The following SLC26A1 variants were observed in gnomAD, a reference collection of about 807,000 sequenced individuals.
SLC26A1 encodes the protein solute carrier family 26 member 1.
SLC26A1 carries 18 observed loss-of-function variants against 14.5 expected under a neutral mutation model. That is an observed-to-expected ratio of 1.24 (90% confidence interval 0.86 to 1.84). SLC26A1 has a LOEUF of 1.84. Ranked by LOEUF, SLC26A1 falls within the 40% of genes most tolerant of loss-of-function variation. The pLI is 0.00. For missense variants in SLC26A1, 1,049 were observed against 1,020.0 expected (o/e 1.03, Z -0.39); for synonymous variants, 505 against 492.0 (o/e 1.03, Z -0.35).
chr4:987,138 G>A, downstream of SLC26A1: 1 of 1,423,364 alleles, frequency 7.0e-7, no homozygotes. Flanking sequence ...CCTCGCTCCT[G>A]GCCGCGCCCC....
Position 987,725 on chromosome 4 carries a change from C to T in SLC26A1, c.*1108G>A. On this transcript the variant is annotated 3_prime_UTR_variant, in exon 3 of 3. Coordinates refer to ENST00000398516, the MANE Select transcript of SLC26A1 (RefSeq NM_022042.4). ...GCAGCGCCTGGATCCTGCGCCCGGG[C>T]AGTCCTGGGCTTGAACGTGTGTGTC... is the stretch of plus-strand genomic sequence containing the variant. 1 of 1,589,308 alleles carries T rather than the reference C, an allele frequency of 6.3e-7. No homozygotes were observed. Among genetic ancestry groups the T allele is most frequent in the Non-Finnish European group, 8.6e-7 (1 of 1,167,872 alleles).
rs148386572 is a variant in SLC26A1, at chr4:989,896, A to G, written c.1043T>C (p.Leu348Pro). 2.7e-3 allele frequency: 4,212 copies of G among 1,566,848 alleles called. 12 individuals are homozygous for G. Among genetic ancestry groups the G allele is most frequent in the Non-Finnish European group, 3.3e-3 (3,844 of 1,156,692 alleles). ...GGAGAAGGCGGCAGCCACGAGGGCCAGGGCCACGGCATCCAAAGCCACACG... is the reference window on the plus strand; with the variant it reads ...GGAGAAGGCGGCAGCCACGAGGGCCGGGGCCACGGCATCCAAAGCCACACG... The part of the protein sequence containing the change: ...MQRVALDAVA[L>P]ALVAAAFSIS... The change falls in exon 3 of 3, where the codon CTG (leucine) becomes CCG (proline). Residue 348 changes from leucine to proline, a missense_variant. Transcript: ENST00000398516.
chr4:986,774 G>C (rs1194171607), downstream of SLC26A1: 1 of 531,498 alleles, frequency 1.9e-6, no homozygotes, highest in East Asian at 4.9e-5. Context: ...CACAAAAACA[G>C]AGAAAAACAA....
At chr4:987,295 C>A, downstream of SLC26A1, 2 of 1,461,622 alleles carry the variant, frequency 1.4e-6, no homozygotes, top group Non-Finnish European at 9.1e-7. Context: ...AGAGCTCGGG[C>A]GCCCCCTGAC....
At chr4:992,023 G>A (rs1714393294) in intron 1 of SLC26A1, 2 of 617,694 alleles carry the variant, frequency 3.2e-6, no homozygotes, top group Non-Finnish European at 3.0e-6. Context: ...GCGGCACCCT[G>A]TCCAGGCTCA....
Position 990,035 on chromosome 4 carries a change from C to T in SLC26A1, c.904G>A (p.Ala302Thr), listed in dbSNP as rs760982558. The T allele has an allele frequency of 1.3e-6, 2 of 1,596,808 alleles. No homozygotes were observed. The highest frequency in any genetic ancestry group is 1.7e-5 in the Admixed American group (1 of 58,502). ...LPTELLVIVV[A>T]TLVSHFGQLH... ...TGCCCGAAGTGCGACACGAGTGTGG[C>T]CACCACGATGACCAGCAGCTCCGTG... Residue 302 changes from alanine to threonine, a missense_variant, in exon 3 of 3, where the codon GCC becomes ACC. Coordinates refer to ENST00000398516, the MANE Select transcript of SLC26A1 (RefSeq NM_022042.4).
chr4:988,386 A>G lies in SLC26A1; in HGVS notation c.*447T>C. 1 of 1,056,474 alleles carries G rather than the reference A, an allele frequency of 9.5e-7. No individual in the cohort carries two copies. The highest frequency in any genetic ancestry group is 1.1e-6 in the Non-Finnish European group (1 of 875,284). The allele number at this position is 1,056,474 out of a possible 1,614,324, so 65.4% of individuals were successfully genotyped here. A position where few individuals can be genotyped will look rare whatever the true frequency, so the allele number is the denominator to read the frequency against. On this transcript the variant is annotated 3_prime_UTR_variant, in exon 3 of 3. Coordinates refer to ENST00000398516, the MANE Select transcript of SLC26A1 (RefSeq NM_022042.4). ...CACTTGGGTGTGTGGGGCCTTCTGG[A>G]AACACAGAGACCCTCGTGCACTTGG...
chr4:982,863 A>G (rs1325990796), downstream of SLC26A1, among the ~76,000 whole-genome samples: 1 of 152,220 alleles, frequency 6.6e-6, no homozygotes, highest in African/African-American at 2.4e-5. Flanking sequence ...TGAGGCCGTT[A>G]CAGCCTCCTC....
At chr4:983,782 G>T (rs534859495), downstream of SLC26A1, among the ~76,000 whole-genome samples, 1 of 152,282 alleles carries the variant, frequency 6.6e-6, no homozygotes, top group South Asian at 2.1e-4. Flanking sequence ...CCTCTGAGCT[G>T]GGATTTGGGA....
At chr4:990,839 G>T (rs1415012114) in intron 2 of SLC26A1, 2 of 468,250 alleles carry the variant, frequency 4.3e-6, no homozygotes, top group Non-Finnish European at 7.6e-6. Flanking sequence ...CATGGCCTCA[G>T]TCCAGCACCA....
chr4:990,112 G>T lies in SLC26A1; in HGVS notation c.827C>A (p.Ala276Asp), dbSNP rs1560536280. 1.3e-6 allele frequency: 2 copies of T among 1,585,308 alleles called. No homozygotes were observed. Among genetic ancestry groups the T allele is most frequent in the Non-Finnish European group, 8.6e-7 (1 of 1,167,602 alleles). Residue 276 changes from alanine (A) to aspartate (D), a missense_variant, in exon 3 of 3, where the codon GCC becomes GAC. Physicochemically the swap from Ala to Asp is moderately radical, Grantham distance 126. Transcript: ENST00000398516. ...GTAGCGGTCTGAGAGCTCCTTCGCG[G>T]CTAGCAGCACCGCCAGGCACACCGT... ...TSTVCLAVLLAAKELSDRYRH... is the reference protein window; with the variant it reads ...TSTVCLAVLLDAKELSDRYRH...
chr4:979,907 A>G (rs1713487141), intron 2 of SLC26A1, among the ~76,000 whole-genome samples: 1 of 152,240 alleles, frequency 6.6e-6, no homozygotes, highest in South Asian at 2.1e-4. Context: ...TTGTTCTAAA[A>G]TTTGTACCTG....
At chr4:979,304 C>T in exon 3 of SLC26A1, 1 of 752,328 alleles carries the variant, frequency 1.3e-6, no homozygotes, top group Admixed American at 2.2e-5. Flanking sequence ...AGGTGCTGAT[C>T]CAAGCCTCCC....
exon 3 of SLC26A1, chr4:979,283 CT>C (rs544370710): frequency 2.4e-5 from 16 of 661,404 alleles, no homozygotes; most frequent in South Asian, 1.3e-4. Context: ...GAGGGGCTGC[CT>C]TTTTTCCCCA....
In SLC26A1 at chr4:988,187, G is replaced by C. The variant is rs755122178; in HGVS notation, c.*646C>G. 1.6e-4 allele frequency: 222 copies of C among 1,369,530 alleles called. No individual in the cohort carries two copies. Among genetic ancestry groups the C allele is most frequent in the Non-Finnish European group, 1.8e-4 (191 of 1,061,056 alleles). The allele number at this position is 1,369,530 out of a possible 1,614,324, so 84.8% of individuals were successfully genotyped here. On this transcript the variant is annotated 3_prime_UTR_variant, in exon 3 of 3. Coordinates refer to ENST00000398516, the MANE Select transcript of SLC26A1 (RefSeq NM_022042.4). ...TCCCTGCAGGCTCAGGGTTGGCTGC[G>C]CCGCACCTGGCTCCTGGTGCACCCG...
intron 1 of SLC26A1, chr4:991,935 C>A (rs911807735): frequency 3.2e-6 from 3 of 944,254 alleles, no homozygotes; most frequent in Middle Eastern, 2.1e-4. Context: ...CAGAATCCAT[C>A]GTGAGGTGAG....
exon 3 of SLC26A1, chr4:979,168 A>T (rs189431365): frequency 4.6e-4 from 189 of 406,620 alleles, no homozygotes; most frequent in Admixed American, 1.5e-3. Flanking sequence ...GCTTTGCTTT[A>T]CAGAAATGTA....
downstream of SLC26A1, among the ~76,000 whole-genome samples, chr4:983,663 G>A (rs1713614466): frequency 6.6e-6 from 1 of 152,206 alleles, no homozygotes; most frequent in African/African-American, 2.4e-5. Flanking sequence ...GAAAGCTGCT[G>A]TGTCACATAA....
chr4:985,917 T>G (rs1435566470), downstream of SLC26A1, among the ~76,000 whole-genome samples: 1 of 151,578 alleles, frequency 6.6e-6, no homozygotes, highest in Non-Finnish European at 1.5e-5. Flanking sequence ...TAGACTGTTC[T>G]TTTTTTCTTT....
Sources: allele counts gnomAD v4.1 joint callset (sites outside exome capture counted in the v4.1 genomes callset), GRCh38; gene constraint gnomAD v4.1.1; transcripts MANE v1.5; gene names NCBI Gene and HGNC (gene_info 2026-07-23, HGNC 2026-07-21).